CFAP299: variants seen among roughly 807,000 people sequenced by gnomAD.
CFAP299 encodes cilia and flagella associated protein 299, also known as cilia- and flagella-associated protein 299.
CFAP299 carries 21 observed loss-of-function variants against 27.0 expected under a neutral mutation model. The observed-to-expected ratio is 0.78, with a 90% CI of 0.55 to 1.12. The LOEUF (loss-of-function observed/expected upper bound fraction) is 1.12, where lower values mean the gene tolerates loss of function less well. CFAP299 is among the 50% of genes most tolerant of loss of function. The pLI is 0.00. For missense variants in CFAP299, 310 were observed against 276.6 expected (o/e 1.12, Z -0.86); for synonymous variants, 104 against 98.1 (o/e 1.06, Z -0.36).
At chr4:80,509,322 C>A (rs968314292) in intron 2 of CFAP299, among the ~76,000 whole-genome samples, 1 of 152,108 alleles carries the variant, frequency 6.6e-6, no homozygotes, top group African/African-American at 2.4e-5. Context: ...TATTTTAGAG[C>A]AAGCTTGAGT....
intron 1 of CFAP299, among the ~76,000 whole-genome samples, chr4:80,361,068 G>A (rs1315456277): frequency 1.3e-5 from 2 of 152,166 alleles, no homozygotes; most frequent in African/African-American, 4.8e-5. Flanking sequence ...CAAGAAATAC[G>A]TTGTCATAAT....
At chr4:80,734,920 C>G (rs1723766608) in intron 3 of CFAP299, among the ~76,000 whole-genome samples, 1 of 152,040 alleles carries the variant, frequency 6.6e-6, no homozygotes, top group Non-Finnish European at 1.5e-5. Flanking sequence ...CTCAGGATAG[C>G]TTTGGCTATT....
At chr4:80,614,083 G>A (rs1407048900) in intron 3 of CFAP299, among the ~76,000 whole-genome samples, 1 of 152,076 alleles carries the variant, frequency 6.6e-6, no homozygotes, top group East Asian at 1.9e-4. Flanking sequence ...GTCTGTTAAG[G>A]ACACTTCCAG....
chr4:80,659,628 T>G (rs563642033), intron 3 of CFAP299, among the ~76,000 whole-genome samples: 5 of 152,008 alleles, frequency 3.3e-5, no homozygotes, highest in Admixed American at 2.6e-4. Flanking sequence ...AAACAGTTTG[T>G]TAATATCTTG....
intron 3 of CFAP299, among the ~76,000 whole-genome samples, chr4:80,646,782 C>G (rs1042067056): frequency 2.6e-5 from 4 of 152,096 alleles, no homozygotes; most frequent in Non-Finnish European, 4.4e-5. Flanking sequence ...TCTCTGTACT[C>G]TTTTTACTTC....
In CFAP299 at chr4:80,961,549, T is replaced by A. The variant is rs548531908; in HGVS notation, c.607-1968T>A. On this transcript the variant is annotated intron_variant, in intron 5 of 5. Coordinates refer to ENST00000358105, the MANE Select transcript of CFAP299 (RefSeq NM_152770.3). ...CAATCAGAACAGAGATTCTTTAATT[T>A]AGGAGACATTTTAACCTAATTCATT... Among the ~76,000 whole-genome samples the A allele has an allele frequency of 5.3e-5, 8 of 151,938 alleles. No homozygotes were observed. The South Asian group carries it at 1.7e-3, about 31-fold the overall frequency.
intron 2 of CFAP299, among the ~76,000 whole-genome samples, chr4:80,572,846 A>G (rs958322460): frequency 2.0e-5 from 3 of 151,990 alleles, no homozygotes; most frequent in African/African-American, 7.2e-5. Context: ...CCATATGTAT[A>G]TGTACTACAT....
chr4:80,788,294 A>G (rs886076645), intron 3 of CFAP299, among the ~76,000 whole-genome samples: 33 of 152,136 alleles, frequency 2.2e-4, no homozygotes, highest in African/African-American at 6.7e-4. Context: ...TAAGCCATCA[A>G]TGCTGAAAAA....
chr4:80,661,647 C>T (rs1036436275), intron 3 of CFAP299, among the ~76,000 whole-genome samples: 2 of 151,998 alleles, frequency 1.3e-5, no homozygotes, highest in East Asian at 1.9e-4. Flanking sequence ...ATTGCATTAA[C>T]TGCACAAATT....
chr4:80,653,308 G>C (rs1269947454), intron 3 of CFAP299, among the ~76,000 whole-genome samples: 2 of 152,044 alleles, frequency 1.3e-5, no homozygotes, highest in Admixed American at 6.6e-5. Context: ...TCCATTTTTA[G>C]TGATGTTTCC....
At chr4:80,749,838 C>T (rs1724833135) in intron 3 of CFAP299, among the ~76,000 whole-genome samples, 1 of 152,180 alleles carries the variant, frequency 6.6e-6, no homozygotes, top group African/African-American at 2.4e-5. Context: ...TCTCCCAGTC[C>T]ACTGACTTAA....
chr4:80,771,071 A>T (rs1372297315), intron 3 of CFAP299, among the ~76,000 whole-genome samples: 1 of 152,056 alleles, frequency 6.6e-6, no homozygotes, highest in Non-Finnish European at 1.5e-5. Flanking sequence ...ACTCAAGGGG[A>T]GGGTTATCCT....
At chr4:80,713,068 C>T (rs1330082025) in intron 3 of CFAP299, among the ~76,000 whole-genome samples, 1 of 151,988 alleles carries the variant, frequency 6.6e-6, no homozygotes, top group East Asian at 1.9e-4. Flanking sequence ...TAAAAACTAA[C>T]CATTCAAGGG....
chr4:80,680,240 C>A (rs925526079), intron 3 of CFAP299, among the ~76,000 whole-genome samples: 1 of 152,092 alleles, frequency 6.6e-6, no homozygotes, highest in Non-Finnish European at 1.5e-5. Context: ...TCTTAACCCC[C>A]TCCCTTTCAT....
chr4:80,700,846 G>A (rs1283854750), intron 3 of CFAP299, among the ~76,000 whole-genome samples: 1 of 151,860 alleles, frequency 6.6e-6, no homozygotes, highest in Non-Finnish European at 1.5e-5. Flanking sequence ...AGCCAGAAGA[G>A]GGGTAGGAGA....
chr4:80,923,805 A>C (rs2110212791), intron 4 of CFAP299, among the ~76,000 whole-genome samples: 1 of 152,166 alleles, frequency 6.6e-6, no homozygotes, highest in Admixed American at 6.6e-5. Context: ...CATTTTAAAA[A>C]TTATGAGACA....
chr4:80,649,765 C>T (rs1366433720), intron 3 of CFAP299, among the ~76,000 whole-genome samples: 1 of 151,862 alleles, frequency 6.6e-6, no homozygotes, highest in African/African-American at 2.4e-5. Flanking sequence ...AAAATGTTTG[C>T]TCAAATTGTT....
chr4:80,713,968 A>G (rs1722322826), intron 3 of CFAP299, among the ~76,000 whole-genome samples: 2 of 152,134 alleles, frequency 1.3e-5, no homozygotes, highest in African/African-American at 4.8e-5. Context: ...ATGCCCAAGT[A>G]GAAGTAGGCC....
intron 2 of CFAP299, among the ~76,000 whole-genome samples, chr4:80,527,553 G>A (rs944630236): frequency 6.6e-6 from 1 of 152,018 alleles, no homozygotes; most frequent in Non-Finnish European, 1.5e-5. Flanking sequence ...GAATTAGAAA[G>A]CAAAAGCCCA....
Sources: allele counts gnomAD v4.1 joint callset (sites outside exome capture counted in the v4.1 genomes callset), GRCh38; gene constraint gnomAD v4.1.1; transcripts MANE v1.5; gene names NCBI Gene and HGNC (gene_info 2026-07-23, HGNC 2026-07-21).